ARF1: variants seen among roughly 807,000 people sequenced by gnomAD.
The protein encoded by ARF1 is ADP-ribosylation factor 1.
Under a neutral mutation model 18.0 loss-of-function variants are expected in ARF1, and 1 was observed. That is an observed-to-expected ratio of 0.06 (90% confidence interval 0.02 to 0.26). The LOEUF (loss-of-function observed/expected upper bound fraction) is 0.26, where lower values mean the gene tolerates loss of function less well. ARF1 is among the 10% of genes least tolerant of loss of function. The probability of loss-of-function intolerance (pLI) is 1.00; values close to 1 mark genes in which losing one functional copy is unlikely to be tolerated. For synonymous variants in ARF1, 112 were observed against 96.3 expected (o/e 1.16, Z -0.95); for missense variants, 73 against 247.2 (o/e 0.30, Z 4.73).
chr1:228,088,753 T>C (rs1215405934), intron 1 of ARF1, among the ~76,000 whole-genome samples: 1 of 152,174 alleles, frequency 6.6e-6, no homozygotes, highest in African/African-American at 2.4e-5. Context: ...CCACCCTTGG[T>C]CCTCTAGCGT....
intron 1 of ARF1, 115 bp from the exon 2 acceptor site, chr1:228,096,963 C>T: frequency 4.2e-6 from 4 of 963,838 alleles, no homozygotes; most frequent in Non-Finnish European, 6.0e-6. Context: ...TTCCCTGTTT[C>T]CCTGCAGGCT....
Position 228,097,040 on chromosome 1 carries a change from C to T in ARF1, c.-37-38C>T. The T allele has an allele frequency of 2.6e-6, 4 of 1,515,200 alleles. No homozygotes were observed. Among genetic ancestry groups the T allele is most frequent in the Non-Finnish European group, 3.6e-6 (4 of 1,125,728 alleles). 93.9% of individuals were successfully genotyped at this position (1,515,200 alleles called of 1,614,324 possible). A position where few individuals can be genotyped will look rare whatever the true frequency, so the allele number is the denominator to read the frequency against. ...TGGGTTCTGAGCAACCACTGCTGGGCAGCACAGAACCAGACATGGAGCACC... is the reference window on the plus strand; with the variant it reads ...TGGGTTCTGAGCAACCACTGCTGGGTAGCACAGAACCAGACATGGAGCACC... On this transcript the variant is annotated intron_variant, in intron 1 of 4. Coordinates refer to ENST00000272102, the MANE Select transcript of ARF1 (RefSeq NM_001658.4). This position sits in a 1 kb window ranked among gnomAD's most constrained non-coding sequence, Gnocchi z 8.1.
intron 1 of ARF1, among the ~76,000 whole-genome samples, chr1:228,090,168 A>G (rs822727): frequency 0.15 from 22,814 of 152,216 alleles, 2,507 homozygotes; most frequent in African/African-American, 0.3. Flanking sequence ...GCTGTTTAGC[A>G]TGCATGGGAG....
At position 228,097,509 on chromosome 1, in the gene ARF1, G is replaced by A. The variant is rs1242258716; in HGVS notation, c.259+57G>A. 1 of 1,613,898 alleles carries A rather than the reference G, an allele frequency of 6.2e-7. No homozygotes were observed. The highest frequency in any genetic ancestry group is 1.3e-5 in the African/African-American group (1 of 75,040). ...TCCTGCTTCTAGAGAGGGGGGGCCAGCCCATAGATGGGGCATCGATGCCCA... is the reference window on the plus strand; with the variant it reads ...TCCTGCTTCTAGAGAGGGGGGGCCAACCCATAGATGGGGCATCGATGCCCA... On this transcript the variant is annotated intron_variant, in intron 3 of 4. Coordinates refer to ENST00000272102, the MANE Select transcript of ARF1 (RefSeq NM_001658.4). The surrounding 1 kb of genome is among the most constrained non-coding windows in gnomAD (Gnocchi z 8.1).
chr1:228,092,885 G>A (rs2032617994), intron 1 of ARF1, among the ~76,000 whole-genome samples: 1 of 152,236 alleles, frequency 6.6e-6, no homozygotes. Flanking sequence ...CCCTGTTCAG[G>A]CACAGTGAGG....
rs1203102356 is a variant in ARF1, at chr1:228,098,172, C to CT, written c.*164dup. 6.0e-6 allele frequency: 5 copies of CT among 826,710 alleles called. No individual in the cohort carries two copies. Among genetic ancestry groups the CT allele is most frequent in the Non-Finnish European group, 8.9e-6 (5 of 562,960 alleles). The allele number at this position is 826,710 out of a possible 1,614,324, so 51.2% of individuals were successfully genotyped here. A position where few individuals can be genotyped will look rare whatever the true frequency, so the allele number is the denominator to read the frequency against. ...GTGGCAGACGCAGCCTGCGGCCAGG[C>CT]TTTTTATTTAATGTAAATAGTTTTT... On this transcript the variant is annotated 3_prime_UTR_variant, in exon 5 of 5. Transcript: ENST00000272102.
intron 1 of ARF1, among the ~76,000 whole-genome samples, chr1:228,093,955 CA>C (rs869199671): frequency 0.13 from 6,578 of 51,124 alleles, 81 homozygotes; most frequent in East Asian, 0.25. Context: ...GACTCTGTCT[CA>C]AAAAAAAAAA....
intron 1 of ARF1, among the ~76,000 whole-genome samples, chr1:228,086,472 C>T (rs1045914926): frequency 1.3e-5 from 2 of 150,962 alleles, no homozygotes; most frequent in African/African-American, 2.4e-5. Context: ...GCAGAGATCG[C>T]GCCACTGCAC....
intron 1 of ARF1, among the ~76,000 whole-genome samples, chr1:228,091,625 C>T (rs537771970): frequency 5.9e-5 from 9 of 152,272 alleles, no homozygotes; most frequent in Middle Eastern, 3.4e-3. Context: ...CCTTTTGATT[C>T]GCACCTGTGT....
chr1:228,091,801 G>A (rs979340775), intron 1 of ARF1, among the ~76,000 whole-genome samples: 6 of 152,150 alleles, frequency 3.9e-5, no homozygotes, highest in East Asian at 1.9e-4. Flanking sequence ...GGCGGGTAGC[G>A]TGATGACCAT....
intron 1 of ARF1, among the ~76,000 whole-genome samples, chr1:228,095,859 C>A (rs1375674150): frequency 1.3e-5 from 2 of 152,158 alleles, no homozygotes; most frequent in Non-Finnish European, 2.9e-5. Flanking sequence ...GCTTAGAAAA[C>A]CTGGCCGTCC....
intron 1 of ARF1, among the ~76,000 whole-genome samples, chr1:228,092,678 C>T (rs962958365): frequency 2.6e-5 from 4 of 152,176 alleles, no homozygotes; most frequent in African/African-American, 7.2e-5. Context: ...ATCAACCTTC[C>T]GCCTGCGCCT....
intron 1 of ARF1, among the ~76,000 whole-genome samples, chr1:228,090,173 T>G (rs28566149): frequency 6.6e-6 from 1 of 152,152 alleles, no homozygotes; most frequent in Non-Finnish European, 1.5e-5. Flanking sequence ...TTAGCATGCA[T>G]GGGAGAGAGT....
chr1:228,095,847 G>A (rs908557708), intron 1 of ARF1, among the ~76,000 whole-genome samples: 1 of 152,192 alleles, frequency 6.6e-6, no homozygotes, highest in African/African-American at 2.4e-5. Context: ...GTCTTCCTCT[G>A]GGCTTAGAAA....
intron 1 of ARF1, among the ~76,000 whole-genome samples, chr1:228,086,695 C>G (rs958688466): frequency 6.6e-6 from 1 of 152,154 alleles, no homozygotes; most frequent in African/African-American, 2.4e-5. Context: ...ACACCGCCCA[C>G]TGCATCTCTC....
intron 1 of ARF1, among the ~76,000 whole-genome samples, chr1:228,092,050 C>T (rs1558085349): frequency 6.6e-6 from 1 of 152,182 alleles, no homozygotes; most frequent in Non-Finnish European, 1.5e-5. Context: ...AAGTCATCAG[C>T]TTTGTTCAGT....
chr1:228,096,930 G>T (rs150507258), intron 1 of ARF1, 148 bp from the exon 2 acceptor site: 2 of 661,022 alleles, frequency 3.0e-6, no homozygotes, highest in African/African-American at 1.9e-5. Flanking sequence ...GGTGGATTTG[G>T]GGGGCATGGG....
At position 228,082,874 on chromosome 1, in the gene ARF1, C is replaced by A; in HGVS notation, c.-38+109C>A. ...AGGTTCGCGAAGGGCACGTCGACCC[C>A]CGCGGCGGCGGCGGCGACAGGGCCG... On this transcript the variant is annotated intron_variant, in intron 1 of 4. Transcript: ENST00000272102. The surrounding 1 kb of genome is among the most constrained non-coding windows in gnomAD (Gnocchi z 6.1). 1 of 152,320 alleles carries A rather than the reference C, an allele frequency of 6.6e-6. No individual in the cohort carries two copies. Among genetic ancestry groups the A allele is most frequent in the South Asian group, 1.9e-4 (1 of 5,222 alleles). 9.4% of individuals were successfully genotyped at this position (152,320 alleles called of 1,614,324 possible).
At position 228,098,656 on chromosome 1, in the gene ARF1, C is replaced by G. The variant is rs2032844593; in HGVS notation, c.*643C>G. The G allele has an allele frequency of 6.5e-6, 1 of 152,714 alleles. No individual in the cohort carries two copies. Among genetic ancestry groups the G allele is most frequent in the Non-Finnish European group, 1.5e-5 (1 of 68,078 alleles). 9.5% of individuals were successfully genotyped at this position (152,714 alleles called of 1,614,324 possible). ...CTGCATTCCATAGCCATGTGCTTGT[C>G]CCTGTGCTCCCACGGTTCCCAGGGG... is the stretch of plus-strand genomic sequence containing the variant. On this transcript the variant is annotated 3_prime_UTR_variant, in exon 5 of 5. Coordinates refer to ENST00000272102, the MANE Select transcript of ARF1 (RefSeq NM_001658.4).
Sources: allele counts gnomAD v4.1 joint callset (sites outside exome capture counted in the v4.1 genomes callset), GRCh38; gene constraint gnomAD v4.1.1; non-coding constraint Gnocchi (gnomAD v3.1); transcripts MANE v1.5; gene names NCBI Gene and HGNC (gene_info 2026-07-23, HGNC 2026-07-21).